GNAQ: variants seen among roughly 807,000 people sequenced by gnomAD.
The protein encoded by GNAQ is G protein subunit alpha q, also known as guanine nucleotide-binding protein G(q) subunit alpha.
In GNAQ, 8 loss-of-function variants were observed where a neutral mutation model predicts 43.9. The observed-to-expected ratio is 0.18, with a 90% CI of 0.11 to 0.33. The LOEUF (loss-of-function observed/expected upper bound fraction) is 0.33, where lower values mean the gene tolerates loss of function less well. Ranked by LOEUF, GNAQ falls within the 10% of genes least tolerant of loss-of-function variation. The pLI is 1.00. For missense variants in GNAQ, 158 were observed against 450.8 expected (o/e 0.35, Z 5.88); for synonymous variants, 155 against 170.7 (o/e 0.91, Z 0.71).
Position 77,717,287 on chromosome 9 carries a change from G to GT in GNAQ, c.*4035dup, listed in dbSNP as rs1825240896. On this transcript the variant is annotated 3_prime_UTR_variant, in exon 7 of 7. Transcript: ENST00000286548. ...TGAGATGTTGATTACCAATTAAGTGGTTTTAAACCCTTATTTAATTTGAAG... is the reference window on the plus strand; with the variant it reads ...TGAGATGTTGATTACCAATTAAGTGGTTTTTAAACCCTTATTTAATTTGAAG... The GT allele has an allele frequency of 4.3e-6, 1 of 232,224 alleles. No individual in the cohort carries two copies. The allele number at this position is 232,224 out of a possible 1,614,324, so 14.4% of individuals were successfully genotyped here. A position where few individuals can be genotyped will look rare whatever the true frequency, so the allele number is the denominator to read the frequency against.
chr9:77,933,582 T>C (rs1046557101), intron 1 of GNAQ, among the ~76,000 whole-genome samples: 11 of 151,688 alleles, frequency 7.3e-5, no homozygotes, highest in Admixed American at 2.0e-4. Context: ...GAGGCAGAGG[T>C]TGCAGTGACC....
At chr9:77,764,697 C>T (rs570218877) in intron 5 of GNAQ, among the ~76,000 whole-genome samples, 67 of 152,220 alleles carry the variant, frequency 4.4e-4, no homozygotes, top group Non-Finnish European at 7.6e-4. Flanking sequence ...CCTCGTGATC[C>T]GCCAGCCTTG....
At chr9:77,916,134 T>A (rs1235444305) in intron 2 of GNAQ, among the ~76,000 whole-genome samples, 1 of 152,236 alleles carries the variant, frequency 6.6e-6, no homozygotes, top group Non-Finnish European at 1.5e-5. Context: ...GAGGCCATCC[T>A]TCAGCTTCTA....
chr9:77,778,568 A>T (rs1262700305), intron 5 of GNAQ, among the ~76,000 whole-genome samples: 1 of 151,970 alleles, frequency 6.6e-6, no homozygotes, highest in African/African-American at 2.4e-5. Flanking sequence ...ATCATGGTAG[A>T]TATTATTGCA....
intron 1 of GNAQ, among the ~76,000 whole-genome samples, chr9:78,025,041 A>G (rs1272857649): frequency 1.3e-5 from 2 of 152,206 alleles, no homozygotes; most frequent in Admixed American, 6.5e-5. Context: ...AGTTAATCCA[A>G]TTTGGGATTC....
intron 5 of GNAQ, among the ~76,000 whole-genome samples, chr9:77,739,303 C>G (rs1465371420): frequency 6.6e-6 from 1 of 152,176 alleles, no homozygotes; most frequent in East Asian, 1.9e-4. Context: ...CAACAGATTA[C>G]TTACTAACAT....
intron 6 of GNAQ, among the ~76,000 whole-genome samples, chr9:77,723,594 A>G (rs1038393078): frequency 6.6e-6 from 1 of 152,224 alleles, no homozygotes; most frequent in Non-Finnish European, 1.5e-5. Flanking sequence ...AACAAAAAGA[A>G]TATTATTCAG....
intron 1 of GNAQ, among the ~76,000 whole-genome samples, chr9:77,978,357 C>T (rs1823328820): frequency 6.6e-6 from 1 of 152,174 alleles, no homozygotes; most frequent in Non-Finnish European, 1.5e-5. Flanking sequence ...TTTCCTGTTT[C>T]AGCAGTATTA....
intron 2 of GNAQ, among the ~76,000 whole-genome samples, chr9:77,855,882 AT>A (rs1827746463): frequency 6.6e-6 from 1 of 152,162 alleles, no homozygotes; most frequent in African/African-American, 2.4e-5. Flanking sequence ...AAATATTTTA[AT>A]TTAGTTCTTA....
intron 2 of GNAQ, among the ~76,000 whole-genome samples, chr9:77,898,470 C>T (rs1828539389): frequency 6.6e-6 from 1 of 152,140 alleles, no homozygotes; most frequent in Admixed American, 6.5e-5. Context: ...TATAAATTGC[C>T]CATGGACTTG....
In GNAQ at chr9:77,721,298, C is replaced by A; in HGVS notation, c.*25G>T. On this transcript the variant is annotated 3_prime_UTR_variant, in exon 7 of 7. Coordinates refer to ENST00000286548, the MANE Select transcript of GNAQ (RefSeq NM_002072.5). The stretch of plus-strand genomic sequence containing the variant: ...TCTTCAATAGCCCACCAGGGAAGGG[C>A]AGGGCGGGTGTCTAGGAGGCACAAT... 3 of 1,509,304 alleles carry A rather than the reference C, an allele frequency of 2.0e-6. No individual in the cohort carries two copies. The highest frequency in any genetic ancestry group is 2.4e-5 in the South Asian group (2 of 84,800). 93.5% of individuals were successfully genotyped at this position (1,509,304 alleles called of 1,614,324 possible). A position where few individuals can be genotyped will look rare whatever the true frequency, so the allele number is the denominator to read the frequency against.
chr9:77,992,431 T>C (rs906817670), intron 1 of GNAQ, among the ~76,000 whole-genome samples: 1 of 152,156 alleles, frequency 6.6e-6, no homozygotes, highest in African/African-American at 2.4e-5. Context: ...CTGAAAAGGA[T>C]GAACACAAAA....
intron 1 of GNAQ, among the ~76,000 whole-genome samples, chr9:77,953,846 G>C (rs1002507088): frequency 6.6e-6 from 1 of 152,166 alleles, no homozygotes; most frequent in Non-Finnish European, 1.5e-5. Flanking sequence ...CTGCACAGGT[G>C]ACTGACCCAG....
At chr9:77,868,944 G>A (rs1352922912) in intron 2 of GNAQ, among the ~76,000 whole-genome samples, 3 of 152,198 alleles carry the variant, frequency 2.0e-5, no homozygotes, top group African/African-American at 2.4e-5. Context: ...CCGAGATCAT[G>A]CCACTGCACT....
At chr9:77,818,124 G>A (rs996114456) in intron 2 of GNAQ, among the ~76,000 whole-genome samples, 9 of 152,052 alleles carry the variant, frequency 5.9e-5, no homozygotes, top group African/African-American at 1.7e-4. Flanking sequence ...CTATAAACCC[G>A]TTACTCAGAA....
intron 2 of GNAQ, among the ~76,000 whole-genome samples, chr9:77,909,592 A>G (rs1023417735): frequency 6.6e-6 from 1 of 152,062 alleles, no homozygotes; most frequent in African/African-American, 2.4e-5. Flanking sequence ...CCAATCCAAT[A>G]CTACTGCTCA....
At chr9:77,828,039 G>T (rs1485135625) in intron 2 of GNAQ, among the ~76,000 whole-genome samples, 2 of 96,590 alleles carry the variant, frequency 2.1e-5, no homozygotes, top group African/African-American at 8.2e-5. Flanking sequence ...CAGCCTGGGC[G>T]ACAGAGTGAG....
chr9:77,930,020 AT>A (rs1342885698), intron 1 of GNAQ, among the ~76,000 whole-genome samples: 1 of 152,076 alleles, frequency 6.6e-6, no homozygotes, highest in African/African-American at 2.4e-5. Flanking sequence ...AGCAATTCTA[AT>A]TTTTTGCTTT....
At chr9:77,975,536 CTTTT>C (rs34636918) in intron 1 of GNAQ, among the ~76,000 whole-genome samples, 5 of 115,266 alleles carry the variant, frequency 4.3e-5, no homozygotes, top group African/African-American at 7.4e-5. Flanking sequence ...TCAGCCCCCC[CTTTT>C]TTTTTTTTTT....
Sources: allele counts gnomAD v4.1 joint callset (sites outside exome capture counted in the v4.1 genomes callset), GRCh38; gene constraint gnomAD v4.1.1; transcripts MANE v1.5; gene names NCBI Gene and HGNC (gene_info 2026-07-23, HGNC 2026-07-21).